The following AGMO variants were observed in gnomAD, a reference collection of about 807,000 sequenced individuals.
AGMO encodes alkylglycerol monooxygenase.
A neutral mutation model predicts 60.2 loss-of-function variants in AGMO; 75 were observed. The ratio of observed to expected loss-of-function variants is 1.25; its 90% CI spans 1.03 to 1.51. The LOEUF is 1.51. Among genes scored for constraint, AGMO ranks in the 40% most tolerant of loss-of-function variants. The probability of loss-of-function intolerance (pLI) is 0.00; values close to 1 mark genes in which losing one functional copy is unlikely to be tolerated. For synonymous variants in AGMO, 261 were observed against 177.1 expected (o/e 1.47, Z -3.76); for missense variants, 763 against 525.5 (o/e 1.45, Z -4.42).
At chr7:15,435,674 T>G (rs1424295241) in intron 3 of AGMO, among the ~76,000 whole-genome samples, 1 of 152,286 alleles carries the variant, frequency 6.6e-6, no homozygotes. Context: ...TTTTTTTAAA[T>G]AGTGTCATAC....
At chr7:15,433,775 T>A (rs916588020) in intron 3 of AGMO, among the ~76,000 whole-genome samples, 1 of 77,938 alleles carries the variant, frequency 1.3e-5, no homozygotes, top group African/African-American at 4.5e-5. Context: ...TATATTAATA[T>A]ATGTATATGT....
chr7:15,322,709 T>C (rs1781202564), intron 12 of AGMO, among the ~76,000 whole-genome samples: 1 of 43,448 alleles, frequency 2.3e-5, no homozygotes, highest in South Asian at 6.7e-4. Flanking sequence ...TGTATAAATA[T>C]ATATAAATAT....
intron 12 of AGMO, among the ~76,000 whole-genome samples, chr7:15,317,916 TATAC>T (rs1780981976): frequency 6.9e-6 from 1 of 145,300 alleles, no homozygotes; most frequent in African/African-American, 2.7e-5. Context: ...CGTATATATA[TATAC>T]ACACACGTAT....
In AGMO at chr7:15,354,421, T is replaced by C. The variant is rs1228358183; in HGVS notation, c.1263+11093A>G. On this transcript the variant is annotated intron_variant, in intron 12 of 12. Coordinates refer to ENST00000342526, the MANE Select transcript of AGMO (RefSeq NM_001004320.2). Reference sequence around the variant, plus strand: ...ACGTGTGTGTACACACGTGTGTGTATACACACACGTGTGTGTATACACACG... The same window carrying C: ...ACGTGTGTGTACACACGTGTGTGTACACACACACGTGTGTGTATACACACG... Among the ~76,000 whole-genome samples, 38 of 14,766 alleles carry C rather than the reference T, an allele frequency of 2.6e-3. 4 individuals are homozygous for C. Among genetic ancestry groups the C allele is most frequent in the African/African-American group, 9.2e-3 (28 of 3,038 alleles). The allele number at this position is 14,766 out of a possible 152,430, so 9.7% of individuals were successfully genotyped here.
At chr7:15,221,538 G>A (rs1583303057) in intron 12 of AGMO, among the ~76,000 whole-genome samples, 1 of 152,028 alleles carries the variant, frequency 6.6e-6, no homozygotes, top group Non-Finnish European at 1.5e-5. Context: ...AAAAATTCAA[G>A]TACAGGGTTT....
At chr7:15,266,895 T>A (rs575893991) in intron 12 of AGMO, among the ~76,000 whole-genome samples, 1 of 151,968 alleles carries the variant, frequency 6.6e-6, no homozygotes. Flanking sequence ...CTATCAGTAA[T>A]CTCAAACTAG....
the AGMO span, among the ~76,000 whole-genome samples, chr7:15,139,743 A>G: frequency 1.4e-5 from 2 of 147,644 alleles, no homozygotes; most frequent in African/African-American, 5.0e-5. Context: ...ATTGTGCCAA[A>G]TTTCTTTCCA....
rs116011701 is a variant in AGMO, at chr7:15,507,017, C to T, written c.409+37755G>A. On this transcript the variant is annotated intron_variant, in intron 3 of 12. Coordinates refer to ENST00000342526, the MANE Select transcript of AGMO (RefSeq NM_001004320.2). ...AAAGAAAAGGAAATAAAATTTCCAT[C>T]ATTCTATTGACAATGGTGCTTTATT... 7.7e-3 allele frequency among the ~76,000 whole-genome samples: 1,173 copies of T among 152,024 alleles called. 17 individuals are homozygous for T. The highest frequency in any genetic ancestry group is 0.027 in the African/African-American group (1,114 of 41,478).
chr7:15,534,131 A>T (rs1158737138), intron 3 of AGMO, among the ~76,000 whole-genome samples: 1 of 152,080 alleles, frequency 6.6e-6, no homozygotes, highest in Admixed American at 6.6e-5. Context: ...AGAAGAAAGA[A>T]CAAATCTGTT....
At chr7:15,418,746 G>T in intron 4 of AGMO, 93 bp from the exon 5 acceptor site, 1 of 748,436 alleles carries the variant, frequency 1.3e-6, no homozygotes, top group South Asian at 1.7e-5. Flanking sequence ...ATTTCTTTAG[G>T]AAATATATCT....
chr7:15,235,048 C>T (rs1223458124), intron 12 of AGMO, among the ~76,000 whole-genome samples: 2 of 152,094 alleles, frequency 1.3e-5, no homozygotes, highest in African/African-American at 2.4e-5. Flanking sequence ...CTGAAAACTT[C>T]ATCTGCCTTG....
chr7:15,307,977 A>T (rs191744623), intron 12 of AGMO, among the ~76,000 whole-genome samples: 4 of 152,058 alleles, frequency 2.6e-5, no homozygotes, highest in Admixed American at 1.3e-4. Flanking sequence ...GGTTTGACCT[A>T]ACTCTATTCT....
chr7:15,390,207 G>C (rs1784080316), intron 8 of AGMO, among the ~76,000 whole-genome samples: 1 of 151,996 alleles, frequency 6.6e-6, no homozygotes, highest in African/African-American at 2.4e-5. Context: ...TAGCAAGCGA[G>C]GTAATGCACA....
At chr7:15,196,464 T>G (rs1374800377), downstream of AGMO, among the ~76,000 whole-genome samples, 1 of 152,214 alleles carries the variant, frequency 6.6e-6, no homozygotes, top group Non-Finnish European at 1.5e-5. Context: ...AATTAACATC[T>G]TTGCTATAGA....
intron 3 of AGMO, among the ~76,000 whole-genome samples, chr7:15,496,032 C>CA (rs1442119459): frequency 6.6e-6 from 1 of 152,066 alleles, no homozygotes; most frequent in Non-Finnish European, 1.5e-5. Context: ...TTTTGGGAGA[C>CA]ACAAATACTC....
At chr7:15,460,910 T>C (rs1782125757) in intron 3 of AGMO, among the ~76,000 whole-genome samples, 2 of 152,186 alleles carry the variant, frequency 1.3e-5, no homozygotes, top group Non-Finnish European at 2.9e-5. Flanking sequence ...TAAATTATGA[T>C]AGTTATATGA....
intron 3 of AGMO, among the ~76,000 whole-genome samples, chr7:15,509,276 T>C (rs1783609302): frequency 6.6e-6 from 1 of 151,858 alleles, no homozygotes; most frequent in Non-Finnish European, 1.5e-5. Flanking sequence ...CCTAAGCATA[T>C]ATGGTTAACT....
At chr7:15,144,354 A>C in the AGMO span, among the ~76,000 whole-genome samples, 1 of 152,222 alleles carries the variant, frequency 6.6e-6, no homozygotes, top group Non-Finnish European at 1.5e-5. Context: ...TTAATTACTT[A>C]AATATTAGAA....
Position 15,430,354 on chromosome 7 carries a change from G to A in AGMO, c.513+651C>T, listed in dbSNP as rs116414831. 3.0e-3 allele frequency among the ~76,000 whole-genome samples: 457 copies of A among 151,788 alleles called. 4 individuals carry two copies. Among genetic ancestry groups the A allele is most frequent in the African/African-American group, 0.01 (434 of 41,480 alleles). On this transcript the variant is annotated intron_variant, in intron 4 of 12. Coordinates refer to ENST00000342526, the MANE Select transcript of AGMO (RefSeq NM_001004320.2). ...TGTTCAACATACATTTCAGTATCAT[G>A]TATTTTCATAACCAAGAAGAGCTAA...
Sources: allele counts gnomAD v4.1 joint callset (sites outside exome capture counted in the v4.1 genomes callset), GRCh38; gene constraint gnomAD v4.1.1; transcripts MANE v1.5; gene names NCBI Gene and HGNC (gene_info 2026-07-23, HGNC 2026-07-21).